LYPLA1: variants seen among roughly 807,000 people sequenced by gnomAD.
LYPLA1 encodes the protein acyl-protein thioesterase 1.
A neutral mutation model predicts 34.0 loss-of-function variants in LYPLA1; 17 were observed. The observed-to-expected ratio is 0.50, with a 90% confidence interval of 0.34 to 0.75. LYPLA1 has a LOEUF of 0.75. Ranked by LOEUF, LYPLA1 falls within the 30% of genes least tolerant of loss-of-function variation. LYPLA1 has a pLI of 0.01. For missense variants in LYPLA1, 203 were observed against 288.8 expected, an observed-to-expected ratio of 0.70 and a Z score of 2.15; for synonymous variants, 98 against 100.8, an observed-to-expected ratio of 0.97 and a Z score of 0.17.
downstream of LYPLA1, among the ~76,000 whole-genome samples, chr8:54,044,218 C>A (rs1389821709): frequency 1.3e-5 from 2 of 152,020 alleles, no homozygotes; most frequent in Non-Finnish European, 2.9e-5. Context: ...TTTCGGGTCA[C>A]CTGGTATTCA....
chr8:54,091,885 T>C (rs1198625411), intron 2 of LYPLA1, among the ~76,000 whole-genome samples: 5 of 152,092 alleles, frequency 3.3e-5, no homozygotes, highest in African/African-American at 1.2e-4. Flanking sequence ...GCCCAGGAGT[T>C]AGACTAACCT....
At chr8:54,048,672 A>G (rs1344035210) in intron 8 of LYPLA1, among the ~76,000 whole-genome samples, 1 of 152,194 alleles carries the variant, frequency 6.6e-6, no homozygotes, top group Non-Finnish European at 1.5e-5. Flanking sequence ...CATTTGGCTC[A>G]GTTTTCTCAC....
intron 2 of LYPLA1, among the ~76,000 whole-genome samples, chr8:54,072,796 T>C (rs1003659345): frequency 1.1e-4 from 16 of 151,792 alleles, no homozygotes; most frequent in African/African-American, 3.4e-4. Flanking sequence ...CTAGCCAACA[T>C]AGTGAAACCC....
intron 2 of LYPLA1, among the ~76,000 whole-genome samples, chr8:54,076,673 C>T (rs138838723): frequency 6.6e-6 from 1 of 152,254 alleles, no homozygotes; most frequent in East Asian, 1.9e-4. Context: ...CACCTGGCCC[C>T]GCTTAAAGGC....
intron 2 of LYPLA1, chr8:54,073,505 C>A: frequency 2.8e-6 from 2 of 723,600 alleles, no homozygotes; most frequent in Non-Finnish European, 5.2e-6. Flanking sequence ...TCCAGAACTA[C>A]CAGCATCTAC....
intron 6 of LYPLA1, 37 bp downstream of exon 6, chr8:54,055,023 C>G (rs761680050): frequency 8.3e-7 from 1 of 1,208,700 alleles, no homozygotes; most frequent in African/African-American, 1.5e-5. Flanking sequence ...AATAAGTATA[C>G]TGATGGTACT....
chr8:54,075,403 G>A (rs1236880933), intron 2 of LYPLA1, among the ~76,000 whole-genome samples: 2 of 152,222 alleles, frequency 1.3e-5, no homozygotes, highest in East Asian at 1.9e-4. Flanking sequence ...GCCAGATGCC[G>A]AGTAAGAGAC....
chr8:54,044,997 T>A (rs1455691818), downstream of LYPLA1: 2 of 152,186 alleles, frequency 1.3e-5, no homozygotes, highest in Non-Finnish European at 2.9e-5. Context: ...TTCAAAGCAT[T>A]TAAATTACCC....
At chr8:54,101,322 G>A in intron 1 of LYPLA1, 8 of 1,071,362 alleles carry the variant, frequency 7.5e-6, no homozygotes, top group Non-Finnish European at 9.0e-6. Context: ...TTTCATACAC[G>A]AGTTTTCTAA....
Position 54,046,810 on chromosome 8 carries a change from A to G in LYPLA1, c.*1255T>C, listed in dbSNP as rs556239055. ...GGGTTCTGACTAGCCTTTATTACCC[A>G]TAAGTTTGTTTTCAAATAATTTTTA... On this transcript the variant is annotated 3_prime_UTR_variant, in exon 9 of 9. Transcript: ENST00000316963. The G allele has an allele frequency of 2.0e-5, 3 of 152,304 alleles. No individual in the cohort carries two copies. The highest frequency in any genetic ancestry group is 4.4e-5 in the Non-Finnish European group (3 of 67,990). 9.4% of individuals were successfully genotyped at this position (152,304 alleles called of 1,614,324 possible). A position where few individuals can be genotyped will look rare whatever the true frequency, so the allele number is the denominator to read the frequency against.
At chr8:54,050,879 A>G (rs1805793242) in intron 8 of LYPLA1, 133 bp downstream of exon 8, 1 of 877,902 alleles carries the variant, frequency 1.1e-6, no homozygotes, top group Admixed American at 2.4e-5. Context: ...ACACTCATCT[A>G]ATGACTGCTA....
At chr8:54,087,648 A>G (rs1439556375) in intron 2 of LYPLA1, among the ~76,000 whole-genome samples, 1 of 152,254 alleles carries the variant, frequency 6.6e-6, no homozygotes, top group Non-Finnish European at 1.5e-5. Flanking sequence ...CAGACAATAT[A>G]AACAATTCTT....
At chr8:54,069,957 A>G (rs1807344037) in intron 2 of LYPLA1, among the ~76,000 whole-genome samples, 2 of 152,202 alleles carry the variant, frequency 1.3e-5, no homozygotes. Context: ...CTTCATACCT[A>G]CCGGAATGGT....
At chr8:54,089,709 G>A (rs1586170412) in intron 2 of LYPLA1, among the ~76,000 whole-genome samples, 1 of 150,730 alleles carries the variant, frequency 6.6e-6, no homozygotes, top group South Asian at 2.1e-4. Flanking sequence ...CTGCAGCCTC[G>A]ACCTCCCAGG....
chr8:54,071,829 A>G (rs1807492591), intron 2 of LYPLA1, among the ~76,000 whole-genome samples: 1 of 152,214 alleles, frequency 6.6e-6, no homozygotes, highest in African/African-American at 2.4e-5. Context: ...CTACAGATTC[A>G]ATGCTATTCC....
chr8:54,079,989 G>A (rs1432619051), intron 2 of LYPLA1, among the ~76,000 whole-genome samples: 1 of 152,024 alleles, frequency 6.6e-6, no homozygotes, highest in East Asian at 1.9e-4. Context: ...GATTTGTGCT[G>A]ATGACCTCAG....
intron 2 of LYPLA1, among the ~76,000 whole-genome samples, chr8:54,071,277 T>C (rs548988233): frequency 6.6e-6 from 1 of 152,324 alleles, no homozygotes; most frequent in South Asian, 2.1e-4. Flanking sequence ...CTGAGAAAGC[T>C]GGCAAAACTT....
chr8:54,062,805 C>T (rs1806757331), intron 4 of LYPLA1, among the ~76,000 whole-genome samples: 1 of 152,154 alleles, frequency 6.6e-6, no homozygotes, highest in African/African-American at 2.4e-5. Flanking sequence ...AGCCACCATG[C>T]CCGGCTAAAG....
In LYPLA1 at chr8:54,065,808, C is replaced by T. The variant is rs753335036; in HGVS notation, c.107G>A (p.Gly36Glu). The T allele has an allele frequency of 4.3e-6, 7 of 1,613,400 alleles. No homozygotes were observed. The highest frequency in any genetic ancestry group is 5.9e-6 in the Non-Finnish European group (7 of 1,179,400). The change falls in exon 3 of 9, where the codon GGA (glycine) becomes GAA (glutamate). Residue 36 changes from glycine (G) to glutamate (E), a missense_variant. Gly to Glu is a moderately conservative substitution (Grantham distance 98, BLOSUM62 -2). This residue lies in a region of LYPLA1 where 75 missense variants were observed against 73.5 expected (regional missense o/e 1.02). Transcript: ENST00000316963. Reference sequence around the variant, plus strand: ...GATACCTGCAAAGGCTTCTGCCCATCCGTGCCTGGTGGAAAAATCATTGAA... The same window carrying T: ...GATACCTGCAAAGGCTTCTGCCCATTCGTGCCTGGTGGAAAAATCATTGAA... ...FLHGLGDTGH[G>E]WAEAFAGIRS...
Sources: gnomAD v4.1 joint callset for allele counts (sites outside exome capture counted in the v4.1 genomes callset) on GRCh38, gnomAD v4.1.1 for gene constraint, gnomAD v4.1.1 regional missense constraint, MANE v1.5 for transcripts, NCBI Gene and HGNC (gene_info 2026-07-23, HGNC 2026-07-21) for gene names.